The following ADAT1 variants were observed in gnomAD, a reference collection of about 807,000 sequenced individuals.
The protein encoded by ADAT1 is tRNA-specific adenosine deaminase 1.
Under a neutral mutation model 58.6 loss-of-function variants are expected in ADAT1, and 58 were observed. The ratio of observed to expected loss-of-function variants is 0.99; its 90% confidence interval spans 0.80 to 1.23. The LOEUF (loss-of-function observed/expected upper bound fraction) is 1.23. Ranked by LOEUF, ADAT1 falls within the 50% of genes most tolerant of loss-of-function variation. The pLI, the probability that ADAT1 is intolerant of heterozygous loss-of-function variation, is 0.00. For missense variants in ADAT1, 741 were observed against 608.6 expected (o/e 1.22, Z -2.29); for synonymous variants, 254 against 220.8 (o/e 1.15, Z -1.33).
rs1026712971 is a variant in ADAT1, at chr16:75,597,794, T to G, written c.*2422A>C. ...CTTGCATGCACAGTTCACAATAGGA[T>G]TCACGCTCCTATGAGAATCTAATGC... On this transcript the variant is annotated 3_prime_UTR_variant, in exon 10 of 10. Coordinates refer to ENST00000564657, the MANE Select transcript of ADAT1 (RefSeq NM_001324445.2). 1.3e-5 allele frequency among the ~76,000 whole-genome samples: 2 copies of G among 152,112 alleles called. No homozygotes were observed. Among genetic ancestry groups the G allele is most frequent in the Non-Finnish European group, 2.9e-5 (2 of 68,010 alleles).
chr16:75,607,039 A>G (rs561098168), intron 8 of ADAT1, among the ~76,000 whole-genome samples: 4 of 152,274 alleles, frequency 2.6e-5, no homozygotes, highest in Admixed American at 6.5e-5. Context: ...CAGCCTGGCC[A>G]ACATAGTGAA....
At chr16:75,604,809 G>T (rs1282498804) in intron 8 of ADAT1, among the ~76,000 whole-genome samples, 1 of 152,072 alleles carries the variant, frequency 6.6e-6, no homozygotes, top group Non-Finnish European at 1.5e-5. Context: ...ATCTGCAGAT[G>T]ATTTTGATAT....
rs1040631206 is a variant in ADAT1, at chr16:75,599,070, G to C, written c.*1146C>G. 55 of 971,092 alleles carry C rather than the reference G, an allele frequency of 5.7e-5. No individual in the cohort carries two copies. The highest frequency in any genetic ancestry group is 5.5e-4 in the Admixed American group (8 of 14,562). The allele number at this position is 971,092 out of a possible 1,614,324, so 60.2% of individuals were successfully genotyped here. On this transcript the variant is annotated 3_prime_UTR_variant, in exon 10 of 10. Transcript: ENST00000564657. ...TGCTGATTTGCTGCAGGGCCTTTTG[G>C]CTTCTTTTTTTTTTTTTTTTTTTTT...
chr16:75,599,843 T>C lies in ADAT1; in HGVS notation c.*373A>G. On this transcript the variant is annotated 3_prime_UTR_variant, in exon 10 of 10. Transcript: ENST00000564657. ...GCTATGCTAGGCAAAGCTGTAAAAC[T>C]TGCAGAGCGTCAAACATCATTTCAG... 1.0e-6 allele frequency: 1 copy of C among 1,000,694 alleles called. No homozygotes were observed. The highest frequency in any genetic ancestry group is 1.2e-6 in the Non-Finnish European group (1 of 839,876). 62.0% of individuals were successfully genotyped at this position (1,000,694 alleles called of 1,614,324 possible). A position where few individuals can be genotyped will look rare whatever the true frequency, so the allele number is the denominator to read the frequency against.
rs1466089514 is a variant in ADAT1 at position 75,597,834 on chromosome 16, CAGG to C, written c.*2379_*2381del. ...GAATCTAATGCCACTGCTGGTATGA[CAGG>C]AGGAGGAGCTACGGCAGAAATGTGA... On this transcript the variant is annotated 3_prime_UTR_variant, in exon 10 of 10. Transcript: ENST00000564657. 2.0e-5 allele frequency among the ~76,000 whole-genome samples: 3 copies of C among 152,270 alleles called. No homozygotes were observed. Among genetic ancestry groups the C allele is most frequent in the African/African-American group, 4.8e-5 (2 of 41,536 alleles).
At chr16:75,609,979 C>T (rs1207517501) in intron 6 of ADAT1, among the ~76,000 whole-genome samples, 12 of 152,218 alleles carry the variant, frequency 7.9e-5, no homozygotes, top group Admixed American at 7.2e-4. Flanking sequence ...GCTGGCATTA[C>T]AGGCATGAGC....
At chr16:75,608,768 G>T in intron 7 of ADAT1, 75 bp downstream of exon 7, 3 of 1,539,820 alleles carry the variant, frequency 1.9e-6, no homozygotes, top group East Asian at 2.3e-5. Context: ...TAGGCTGGGA[G>T]GATGCCGACC....
rs372622821 is a variant in ADAT1, at chr16:75,599,489, C to T, written c.*727G>A. 3 of 985,786 alleles carry T rather than the reference C, an allele frequency of 3.0e-6. No homozygotes were observed. Among genetic ancestry groups the T allele is most frequent in the East Asian group, 2.3e-4 (2 of 8,814 alleles). 61.1% of individuals were successfully genotyped at this position (985,786 alleles called of 1,614,324 possible). ...AATCTGTCTCACATAATTGAGACAT[C>T]TAAACAGTGTTACTAGATCTTTGAT... On this transcript the variant is annotated 3_prime_UTR_variant, in exon 10 of 10. Coordinates refer to ENST00000564657, the MANE Select transcript of ADAT1 (RefSeq NM_001324445.2).
At chr16:75,616,763 A>C (rs2081739756) in intron 5 of ADAT1, among the ~76,000 whole-genome samples, 1 of 152,242 alleles carries the variant, frequency 6.6e-6, no homozygotes, top group Non-Finnish European at 1.5e-5. Flanking sequence ...CCTGACAAAT[A>C]GTAGAAAGTA....
intron 6 of ADAT1, among the ~76,000 whole-genome samples, chr16:75,611,529 T>C (rs1205916388): frequency 6.6e-6 from 1 of 151,908 alleles, no homozygotes; most frequent in African/African-American, 2.4e-5. Flanking sequence ...GGACTACAGG[T>C]GCGTGCCACA....
At chr16:75,618,025 G>T (rs2081792072) in intron 4 of ADAT1, among the ~76,000 whole-genome samples, 1 of 144,516 alleles carries the variant, frequency 6.9e-6, no homozygotes, top group Non-Finnish European at 1.5e-5. Flanking sequence ...TGAGTCCCAG[G>T]AGGCCAAGGC....
chr16:75,604,610 C>T (rs2081323204), intron 8 of ADAT1, among the ~76,000 whole-genome samples: 1 of 150,216 alleles, frequency 6.7e-6, no homozygotes, highest in Non-Finnish European at 1.5e-5. Context: ...TTTTGGCAAA[C>T]TAGGACTCGG....
intron 8 of ADAT1, 25 bp from the exon 9 acceptor site, chr16:75,603,196 T>C (rs1483919227): frequency 2.5e-6 from 4 of 1,594,446 alleles, no homozygotes; most frequent in African/African-American, 2.7e-5. Context: ...AAGGCAAAGA[T>C]GATTTATTAA....
intron 6 of ADAT1, among the ~76,000 whole-genome samples, chr16:75,609,250 T>C (rs756964603): frequency 8.5e-5 from 13 of 152,208 alleles, no homozygotes; most frequent in East Asian, 1.9e-4. Context: ...ATTCCTGATA[T>C]AGGCTTTGAG....
At chr16:75,608,030 C>T (rs1017670806) in intron 8 of ADAT1, among the ~76,000 whole-genome samples, 194 bp downstream of exon 8, 1 of 152,154 alleles carries the variant, frequency 6.6e-6, no homozygotes, top group Non-Finnish European at 1.5e-5. Flanking sequence ...AATGTCCAGA[C>T]TAGACAAATC....
At chr16:75,606,243 C>A (rs944580642) in intron 8 of ADAT1, among the ~76,000 whole-genome samples, 1 of 152,094 alleles carries the variant, frequency 6.6e-6, no homozygotes, top group African/African-American at 2.4e-5. Flanking sequence ...TTAATTGCAA[C>A]AGTAATAACC....
intron 6 of ADAT1, among the ~76,000 whole-genome samples, chr16:75,611,625 G>A (rs1406273386): frequency 5.3e-5 from 8 of 151,930 alleles, no homozygotes; most frequent in East Asian, 3.9e-4. Flanking sequence ...CAAGCAATCC[G>A]CCCCCCTCGA....
Position 75,612,855 on chromosome 16 carries a change from T to A in ADAT1, c.431A>T (p.Asp144Val). 6.2e-7 allele frequency: 1 copy of A among 1,613,258 alleles called. No individual in the cohort carries two copies. Among genetic ancestry groups the A allele is most frequent in the Non-Finnish European group, 8.5e-7 (1 of 1,179,690 alleles). ...CTCAAGCATCGGAATGATGGAGGCATCCCCACCTGCAGAGAATGAACCCAC... is the reference window on the plus strand; with the variant it reads ...CTCAAGCATCGGAATGATGGAGGCAACCCCACCTGCAGAGAATGAACCCAC... ...VFFSSHTPCG[D>V]ASIIPMLEFE... Residue 144 changes from aspartate to valine, a missense_variant, in exon 6 of 10, where the codon GAT becomes GTT. Transcript: ENST00000564657.
chr16:75,599,413 AT>A lies in ADAT1; in HGVS notation c.*802del. ...TGGCTTTTTGGACAGAACTCTTTCA[AT>A]TGTAAGTCAGAAAACCAACACAAAC... is the stretch of plus-strand genomic sequence containing the variant. On this transcript the variant is annotated 3_prime_UTR_variant, in exon 10 of 10. Transcript: ENST00000564657. 1.0e-6 allele frequency: 1 copy of A among 985,784 alleles called. No homozygotes were observed. The highest frequency in any genetic ancestry group is 4.7e-5 in the South Asian group (1 of 21,282). The allele number at this position is 985,784 out of a possible 1,614,324, so 61.1% of individuals were successfully genotyped here. A position where few individuals can be genotyped will look rare whatever the true frequency, so the allele number is the denominator to read the frequency against.
Sources: allele counts gnomAD v4.1 joint callset (sites outside exome capture counted in the v4.1 genomes callset), GRCh38; gene constraint gnomAD v4.1.1; transcripts MANE v1.5; gene names NCBI Gene and HGNC (gene_info 2026-07-23, HGNC 2026-07-21).